The following GSG1L variants were observed in gnomAD, a reference collection of about 807,000 sequenced individuals.
The protein encoded by GSG1L is germ cell-specific gene 1-like protein.
GSG1L carries 24 observed loss-of-function variants against 42.1 expected under a neutral mutation model. That is an observed-to-expected ratio of 0.57 (90% CI 0.41 to 0.80). The LOEUF is 0.80. Among genes scored for constraint, GSG1L ranks in the 30% least tolerant of loss-of-function variants. The pLI is 0.00. For synonymous variants in GSG1L, 215 were observed against 203.5 expected (o/e 1.06, Z -0.48); for missense variants, 445 against 472.2 (o/e 0.94, Z 0.53).
intron 1 of GSG1L, among the ~76,000 whole-genome samples, chr16:27,975,606 C>T (rs2085241980): frequency 6.6e-6 from 1 of 152,202 alleles, no homozygotes; most frequent in Non-Finnish European, 1.5e-5. Flanking sequence ...TAACCACTTT[C>T]TAGACTAGGC....
In GSG1L at chr16:27,884,962, G is replaced by T. The variant is rs1004117256; in HGVS notation, c.398-324C>A. 2.6e-4 allele frequency among the ~76,000 whole-genome samples: 40 copies of T among 152,138 alleles called. No individual in the cohort carries two copies. Among genetic ancestry groups the T allele is most frequent in the Non-Finnish European group, 5.6e-4 (38 of 68,028 alleles). On this transcript the variant is annotated intron_variant, in intron 2 of 6. Transcript: ENST00000447459. This position sits in a 1 kb window ranked among gnomAD's most constrained non-coding sequence, Gnocchi z 4.4. ...GCCAGCTTGCCGCCACCAGTTTAGG[G>T]TGAAGCTGACACTGTAGACGCAGAG...
In GSG1L at chr16:27,929,714, G is replaced by C. The variant is rs192918212; in HGVS notation, c.397+33442C>G. 3.1e-3 allele frequency among the ~76,000 whole-genome samples: 475 copies of C among 152,230 alleles called. 3 individuals carry two copies. The highest frequency in any genetic ancestry group is 0.011 in the African/African-American group (457 of 41,522). On this transcript the variant is annotated intron_variant, in intron 2 of 6. Coordinates refer to ENST00000447459, the MANE Select transcript of GSG1L (RefSeq NM_001109763.2). ...TTTCTTTTATTTGTGGTTTGGAAAA[G>C]TATTAACTGATGCTGCTGTTACTGA... is the stretch of plus-strand genomic sequence containing the variant.
intron 3 of GSG1L, among the ~76,000 whole-genome samples, chr16:27,847,962 G>A (rs1417476628): frequency 6.6e-6 from 1 of 152,178 alleles, no homozygotes; most frequent in Non-Finnish European, 1.5e-5. Flanking sequence ...ATAGCAATGT[G>A]AGAACTGACT....
intron 1 of GSG1L, among the ~76,000 whole-genome samples, chr16:28,024,425 G>A (rs1487906078): frequency 6.6e-6 from 1 of 152,216 alleles, no homozygotes; most frequent in Non-Finnish European, 1.5e-5. Context: ...GTTCTCAGCT[G>A]CTCCCAAGCA....
chr16:28,002,639 GA>G (rs961084879), intron 1 of GSG1L, among the ~76,000 whole-genome samples: 1 of 151,452 alleles, frequency 6.6e-6, no homozygotes, highest in African/African-American at 2.4e-5. Flanking sequence ...AAATTAAAAA[GA>G]AAAAAAGAGG....
At chr16:28,021,049 G>A (rs1169217940) in intron 1 of GSG1L, among the ~76,000 whole-genome samples, 1 of 152,160 alleles carries the variant, frequency 6.6e-6, no homozygotes, top group Non-Finnish European at 1.5e-5. Context: ...TACATTTGGG[G>A]ATGATTTGTT....
intron 1 of GSG1L, among the ~76,000 whole-genome samples, chr16:28,010,892 T>A (rs755953518): frequency 1.8e-4 from 28 of 152,112 alleles, no homozygotes; most frequent in Non-Finnish European, 3.2e-4. Context: ...TTGATCAGCA[T>A]CCTGAGTTAC....
Position 27,979,885 on chromosome 16 carries a change from C to CGAAG in GSG1L, c.350-16686_350-16683dup, listed in dbSNP as rs1341340926. Among the ~76,000 whole-genome samples, 5 of 148,244 alleles carry CGAAG rather than the reference C, an allele frequency of 3.4e-5. No homozygotes were observed. In the East Asian group the frequency reaches 1.0e-3, roughly 30 times the overall value. On this transcript the variant is annotated intron_variant, in intron 1 of 6. Coordinates refer to ENST00000447459, the MANE Select transcript of GSG1L (RefSeq NM_001109763.2). ...GAAAGAAAGAAAGGAAAGAAAGAAA[C>CGAAG]GAAGGAAGGAAGGAAAAGAGAGAGA...
intron 6 of GSG1L, among the ~76,000 whole-genome samples, chr16:27,806,664 G>A (rs1459505749): frequency 6.6e-6 from 1 of 152,228 alleles, no homozygotes; most frequent in Non-Finnish European, 1.5e-5. Flanking sequence ...TCCAGGCACA[G>A]AGATGCAGAT....
At chr16:27,827,177 A>G (rs1226704807) in intron 5 of GSG1L, among the ~76,000 whole-genome samples, 1 of 152,112 alleles carries the variant, frequency 6.6e-6, no homozygotes, top group African/African-American at 2.4e-5. Flanking sequence ...CTGGCACATA[A>G]CTTGTGCTCC....
In GSG1L at chr16:27,904,373, T is replaced by C. The variant is rs150606820; in HGVS notation, c.398-19735A>G. ...GTGTCAGCCACCATGCCCAGTCTTC[T>C]AAGTTTTGCCTAAATGTCACTTCTC... On this transcript the variant is annotated intron_variant, in intron 2 of 6. Coordinates refer to ENST00000447459, the MANE Select transcript of GSG1L (RefSeq NM_001109763.2). Among the ~76,000 whole-genome samples, 539 of 152,296 alleles carry C rather than the reference T, an allele frequency of 3.5e-3. 2 individuals carry two copies. Among genetic ancestry groups the C allele is most frequent in the African/African-American group, 0.012 (501 of 41,562 alleles).
intron 3 of GSG1L, among the ~76,000 whole-genome samples, chr16:27,883,084 T>G (rs2083979281): frequency 7.3e-6 from 1 of 137,462 alleles, no homozygotes. Flanking sequence ...ACACCACTGC[T>G]CTCCAGCCTA....
chr16:28,014,468 G>T (rs185668048), intron 1 of GSG1L, among the ~76,000 whole-genome samples: 86 of 152,086 alleles, frequency 5.7e-4, no homozygotes, highest in African/African-American at 1.9e-3. Flanking sequence ...AAACTGAAGA[G>T]TGGGGATAAG....
intron 4 of GSG1L, among the ~76,000 whole-genome samples, chr16:27,830,033 A>G (rs1297079808): frequency 6.6e-6 from 1 of 151,884 alleles, no homozygotes; most frequent in Admixed American, 6.6e-5. Flanking sequence ...AAACCTGGAG[A>G]ATTTGTCCTA....
chr16:27,807,475 C>G lies in GSG1L; in HGVS notation c.898+12G>C. ...ATCTGTCGTAGCAGATACCCACAAA[C>G]AGGCCACTTACGGGCAGGGTATCTC... On this transcript the variant is annotated intron_variant, in intron 6 of 6. Transcript: ENST00000447459. The G allele has an allele frequency of 6.2e-7, 1 of 1,610,634 alleles. No homozygotes were observed. The highest frequency in any genetic ancestry group is 1.1e-5 in the South Asian group (1 of 90,764).
chr16:27,808,421 CTT>C (rs11388084), intron 5 of GSG1L, among the ~76,000 whole-genome samples: 18 of 141,680 alleles, frequency 1.3e-4, no homozygotes, highest in Admixed American at 2.1e-4. Context: ...TAAAACACAT[CTT>C]TTTTTTTTTT....
chr16:27,851,873 C>T (rs1006831415), intron 3 of GSG1L, among the ~76,000 whole-genome samples: 2 of 152,170 alleles, frequency 1.3e-5, no homozygotes, highest in Non-Finnish European at 2.9e-5. Context: ...GTGGCAGGTT[C>T]CTGCGCCTCC....
chr16:27,987,583 C>T (rs2085399149), intron 1 of GSG1L, among the ~76,000 whole-genome samples: 1 of 152,178 alleles, frequency 6.6e-6, no homozygotes, highest in Admixed American at 6.5e-5. Flanking sequence ...CAGACAAGCC[C>T]TGCCTTTCAT....
At chr16:27,907,288 T>A (rs189381343) in intron 2 of GSG1L, among the ~76,000 whole-genome samples, 1 of 152,260 alleles carries the variant, frequency 6.6e-6, no homozygotes, top group East Asian at 1.9e-4. Flanking sequence ...TTAAGAGCAT[T>A]GTGGGAGCGC....
Sources: allele counts gnomAD v4.1 joint callset (sites outside exome capture counted in the v4.1 genomes callset), GRCh38; gene constraint gnomAD v4.1.1; non-coding constraint Gnocchi (gnomAD v3.1); transcripts MANE v1.5; gene names NCBI Gene and HGNC (gene_info 2026-07-23, HGNC 2026-07-21).